Variants in CSN3 observed in about 807,000 individuals in gnomAD.
The protein encoded by CSN3 is kappa-casein.
CSN3 carries 7 observed loss-of-function variants against 9.9 expected under a neutral mutation model. The ratio of observed to expected loss-of-function variants is 0.71; its 90% CI spans 0.40 to 1.33. The LOEUF is 1.33. CSN3 is among the 40% of genes most tolerant of loss of function. The pLI, the probability that CSN3 is intolerant of heterozygous loss-of-function variation, is 0.01. For missense variants in CSN3, 253 were observed against 227.9 expected, an observed-to-expected ratio of 1.11 and a Z score of -0.71; for synonymous variants, 88 against 82.3, an observed-to-expected ratio of 1.07 and a Z score of -0.37.
At chr4:70,248,956 G>T in intron 3 of CSN3, 42 bp from the exon 4 acceptor site, 2 of 1,388,990 alleles carry the variant, frequency 1.4e-6, no homozygotes, top group Non-Finnish European at 1.9e-6. Context: ...CCACATTTGG[G>T]TCTATAATAA....
At chr4:70,241,912 G>T (rs76045633), upstream of CSN3, among the ~76,000 whole-genome samples, 1 of 151,944 alleles carries the variant, frequency 6.6e-6, no homozygotes, top group East Asian at 1.9e-4. Context: ...TCATATATGG[G>T]TTTGACTTTT....
chr4:70,251,034 C>T (rs62308389), intron 4 of CSN3, among the ~76,000 whole-genome samples: 1 of 151,936 alleles, frequency 6.6e-6, no homozygotes, highest in Non-Finnish European at 1.5e-5. Context: ...TTTACTGATG[C>T]AAAACATAAA....
chr4:70,247,881 G>T (rs1416668924), intron 3 of CSN3, 31 bp downstream of exon 3: 8 of 1,558,484 alleles, frequency 5.1e-6, no homozygotes, highest in Non-Finnish European at 6.1e-6. Flanking sequence ...TCTGTTACAG[G>T]CATGAACTAC....
At chr4:70,242,861 C>T (rs1322127708) in intron 1 of CSN3, among the ~76,000 whole-genome samples, 196 bp downstream of exon 1, 1 of 152,040 alleles carries the variant, frequency 6.6e-6, no homozygotes, top group African/African-American at 2.4e-5. Context: ...TTATTTTTAA[C>T]TTTACTTTGG....
intron 2 of CSN3, among the ~76,000 whole-genome samples, chr4:70,247,276 A>G (rs1019735416): frequency 9.2e-5 from 14 of 152,144 alleles, no homozygotes; most frequent in Non-Finnish European, 1.5e-4. Flanking sequence ...TTCTCTAAAT[A>G]TGTCACAATC....
chr4:70,238,899 G>A (rs78201411), upstream of CSN3, among the ~76,000 whole-genome samples: 107 of 151,910 alleles, frequency 7.0e-4, 1 homozygote, highest in Middle Eastern at 3.4e-3. Flanking sequence ...AGAACTAGTC[G>A]TGAAACAGGG....
At chr4:70,247,597 A>G (rs1337953162) in intron 2 of CSN3, among the ~76,000 whole-genome samples, 1 of 152,170 alleles carries the variant, frequency 6.6e-6, no homozygotes, top group Non-Finnish European at 1.5e-5. Context: ...GGTGATGTTT[A>G]AAGACAATAT....
chr4:70,243,188 G>A (rs971368702), intron 1 of CSN3: 5 of 971,610 alleles, frequency 5.1e-6, no homozygotes, highest in South Asian at 4.8e-5. Context: ...TAGCTGATGC[G>A]CAAAGTATGG....
chr4:70,250,368 G>A (rs1291169199), intron 4 of CSN3, among the ~76,000 whole-genome samples: 2 of 152,040 alleles, frequency 1.3e-5, no homozygotes, highest in African/African-American at 2.4e-5. Flanking sequence ...TGATATCATG[G>A]GACTACCATT....
rs1730363240 is a variant in CSN3 at position 70,245,649 on chromosome 4, TG to T, written c.54+777del. Among the ~76,000 whole-genome samples, 3 of 152,180 alleles carry T rather than the reference TG, an allele frequency of 2.0e-5. No individual in the cohort carries two copies. In the South Asian group the frequency reaches 6.2e-4, roughly 32 times the overall value. On this transcript the variant is annotated intron_variant, in intron 2 of 4. Coordinates refer to ENST00000304954, the Ensembl canonical transcript of CSN3. Reference sequence around the variant, plus strand: ...GGAGGCAAGCATAAATAATGGTATATGTCCTCCTCCTAGATTGTAAAATTTT... The same window carrying T: ...GGAGGCAAGCATAAATAATGGTATATTCCTCCTCCTAGATTGTAAAATTTT...
intron 4 of CSN3, 110 bp downstream of exon 4, chr4:70,249,603 G>C: frequency 1.4e-6 from 1 of 717,040 alleles, no homozygotes; most frequent in East Asian, 2.7e-5. Context: ...TGTTACAGAA[G>C]CAGACAAAAC....
chr4:70,243,222 G>C, intron 1 of CSN3: 1 of 910,940 alleles, frequency 1.1e-6, no homozygotes, highest in Non-Finnish European at 1.3e-6. Context: ...ATTTTTGTTT[G>C]TGCCAAAAGG....
chr4:70,247,784 A>G (rs1033450822), intron 2 of CSN3, 34 bp from the exon 3 acceptor site: 2 of 1,560,604 alleles, frequency 1.3e-6, no homozygotes, highest in African/African-American at 1.4e-5. Context: ...TTTTTAACTT[A>G]TTTCTCATTA....
At chr4:70,249,063 G>A (rs746172010) in exon 4 of CSN3, 1 of 1,613,722 alleles carries the variant, frequency 6.2e-7, no homozygotes, top group Middle Eastern at 1.7e-4. Flanking sequence ...TGTATTATGT[G>A]CCAAATAGCT....
upstream of CSN3, among the ~76,000 whole-genome samples, chr4:70,239,715 C>A (rs1043889718): frequency 6.6e-6 from 1 of 151,882 alleles, no homozygotes; most frequent in East Asian, 1.9e-4. Context: ...GTCTACTATA[C>A]TCCCAAAAGT....
chr4:70,245,022 T>G, intron 2 of CSN3, 149 bp downstream of exon 2: 1 of 384,088 alleles, frequency 2.6e-6, no homozygotes, highest in Non-Finnish European at 4.6e-6. Flanking sequence ...TTTTTTAATA[T>G]TTATTTCTAT....
intron 4 of CSN3, among the ~76,000 whole-genome samples, chr4:70,250,675 G>A (rs1167521409): frequency 6.6e-6 from 1 of 151,992 alleles, no homozygotes; most frequent in East Asian, 1.9e-4. Context: ...CTCAAATTTA[G>A]GGATAAAAAC....
chr4:70,249,894 A>G (rs1326063322), intron 4 of CSN3, among the ~76,000 whole-genome samples: 1 of 152,174 alleles, frequency 6.6e-6, no homozygotes, highest in Non-Finnish European at 1.5e-5. Flanking sequence ...AGTTTGAGTA[A>G]ATTTTAATTC....
upstream of CSN3, among the ~76,000 whole-genome samples, chr4:70,241,149 T>C (rs74785942): frequency 1.4e-3 from 211 of 152,044 alleles, no homozygotes; most frequent in African/African-American, 4.8e-3. Context: ...CCTTCAAAAT[T>C]TGAGGAATGA....
Sources: allele counts gnomAD v4.1 joint callset (sites outside exome capture counted in the v4.1 genomes callset), GRCh38; gene constraint gnomAD v4.1.1; transcripts MANE v1.5; gene names NCBI Gene and HGNC (gene_info 2026-07-23, HGNC 2026-07-21).